Variants in METTL15 observed in about 807,000 individuals in gnomAD.
The protein encoded by METTL15 is methyltransferase 15, mitochondrial 12S rRNA N4-cytidine.
A neutral mutation model predicts 38.3 loss-of-function variants in METTL15; 34 were observed. The ratio of observed to expected loss-of-function variants is 0.89; its 90% CI spans 0.68 to 1.18. The LOEUF is 1.18. METTL15 is among the 50% of genes most tolerant of loss of function. METTL15 has a pLI of 0.00. For missense variants in METTL15, 438 were observed against 498.4 expected, an observed-to-expected ratio of 0.88 and a Z score of 1.15; for synonymous variants, 162 against 170.9, an observed-to-expected ratio of 0.95 and a Z score of 0.41.
intron 4 of METTL15, among the ~76,000 whole-genome samples, chr11:28,219,915 G>C (rs1427833424): frequency 1.3e-5 from 2 of 152,056 alleles, no homozygotes; most frequent in Non-Finnish European, 2.9e-5. Context: ...ATTGCACTAT[G>C]GTCTGAGAGA....
chr11:28,524,046 A>T (rs1851788958), intron 6 of METTL15, among the ~76,000 whole-genome samples: 1 of 152,234 alleles, frequency 6.6e-6, no homozygotes, highest in African/African-American at 2.4e-5. Context: ...GGGGTTGAAA[A>T]ATTATATTCT....
intron 5 of METTL15, among the ~76,000 whole-genome samples, chr11:28,383,069 G>T (rs1850405648): frequency 6.6e-6 from 1 of 151,622 alleles, no homozygotes; most frequent in Non-Finnish European, 1.5e-5. Context: ...TATCACTCAG[G>T]TAATAAGCAT....
chr11:28,368,128 CA>C (rs796151908), intron 5 of METTL15, among the ~76,000 whole-genome samples: 58 of 32,570 alleles, frequency 1.8e-3, no homozygotes, highest in Admixed American at 2.7e-3. Context: ...TTCTGCATAG[CA>C]AAAAAAAAAA....
intron 6 of METTL15, among the ~76,000 whole-genome samples, chr11:28,315,705 A>G (rs926332561): frequency 5.9e-5 from 9 of 152,222 alleles, no homozygotes; most frequent in Non-Finnish European, 1.0e-4. Flanking sequence ...GAAAAGATGG[A>G]TTCATGGGCC....
At chr11:28,276,464 C>G (rs1331494726) in intron 4 of METTL15, among the ~76,000 whole-genome samples, 1 of 152,088 alleles carries the variant, frequency 6.6e-6, no homozygotes, top group Non-Finnish European at 1.5e-5. Context: ...TGATAAACAT[C>G]CCATGCTCAT....
chr11:28,362,727 C>A (rs1590345262), intron 5 of METTL15, among the ~76,000 whole-genome samples: 1 of 152,156 alleles, frequency 6.6e-6, no homozygotes. Context: ...GCATAGTATT[C>A]CATGGTGTAT....
At chr11:28,275,446 G>A (rs1590248317) in intron 4 of METTL15, among the ~76,000 whole-genome samples, 1 of 151,992 alleles carries the variant, frequency 6.6e-6, no homozygotes, top group East Asian at 1.9e-4. Flanking sequence ...TGTGTAGCAA[G>A]GTTGAGTCAG....
chr11:28,381,266 TG>T (rs1850380251), intron 5 of METTL15, among the ~76,000 whole-genome samples: 1 of 152,184 alleles, frequency 6.6e-6, no homozygotes, highest in Non-Finnish European at 1.5e-5. Context: ...CCCAAGTTGC[TG>T]GGGTTACAAA....
chr11:28,285,082 C>T lies in METTL15; in HGVS notation c.408-5124C>T, dbSNP rs77119353. ...GCATCTCCCAGGCTTGCACTTACTC[C>T]GTCCTCCCTCCCGCCCTGTGAAGAA... On this transcript the variant is annotated intron_variant, in intron 4 of 6. Transcript: ENST00000407364. 4.4e-3 allele frequency among the ~76,000 whole-genome samples: 666 copies of T among 152,190 alleles called. 7 individuals are homozygous for T. Among genetic ancestry groups the T allele is most frequent in the African/African-American group, 0.015 (641 of 41,534 alleles).
At chr11:28,451,537 A>G (rs930836241) in intron 6 of METTL15, among the ~76,000 whole-genome samples, 3 of 152,136 alleles carry the variant, frequency 2.0e-5, no homozygotes, top group African/African-American at 7.2e-5. Context: ...GTGAGCCAAG[A>G]TCACGCCACT....
chr11:28,237,941 G>T (rs537178799), intron 4 of METTL15, among the ~76,000 whole-genome samples: 6 of 152,300 alleles, frequency 3.9e-5, no homozygotes, highest in Non-Finnish European at 4.4e-5. Context: ...CGCAAATGCT[G>T]CTGTCTGATC....
intron 4 of METTL15, among the ~76,000 whole-genome samples, chr11:28,248,600 T>C (rs187264048): frequency 1.2e-3 from 182 of 152,236 alleles, no homozygotes; most frequent in Non-Finnish European, 2.3e-3. Context: ...AAACCACTTA[T>C]TCTAAACTAT....
At chr11:28,408,984 A>G (rs1850700490) in intron 5 of METTL15, among the ~76,000 whole-genome samples, 1 of 152,098 alleles carries the variant, frequency 6.6e-6, no homozygotes, top group Non-Finnish European at 1.5e-5. Flanking sequence ...AACATATAGA[A>G]TTTTTCATCC....
intron 5 of METTL15, among the ~76,000 whole-genome samples, chr11:28,293,737 A>G (rs1021885824): frequency 4.6e-5 from 7 of 152,138 alleles, no homozygotes; most frequent in Admixed American, 4.6e-4. Flanking sequence ...TTCATTGAGC[A>G]GTGGTTTGTA....
chr11:28,255,249 ATTTCT>A (rs1486568823), intron 4 of METTL15, among the ~76,000 whole-genome samples: 1 of 151,924 alleles, frequency 6.6e-6, no homozygotes, highest in Non-Finnish European at 1.5e-5. Context: ...TACTTTCTTG[ATTTCT>A]TTTTCAGATA....
intron 5 of METTL15, among the ~76,000 whole-genome samples, chr11:28,376,452 T>G (rs1323577862): frequency 1.3e-5 from 2 of 152,188 alleles, no homozygotes; most frequent in Non-Finnish European, 2.9e-5. Context: ...TCTTTGTTGG[T>G]TTAAAATCTG....
At position 28,368,139 on chromosome 11, in the gene METTL15, A is replaced by C. The variant is rs189474419; in HGVS notation, c.*358+6103A>C. ...GAGCTTCTGCATAGCAAAAAAAAAAAAAACAAAAAAAACAAAAAAAAAAAC... is the reference window on the plus strand; with the variant it reads ...GAGCTTCTGCATAGCAAAAAAAAAACAAACAAAAAAAACAAAAAAAAAAAC... On this transcript the variant is annotated intron_variant and NMD_transcript_variant, in intron 5 of 7. Transcript: ENST00000532947. 5.5e-4 allele frequency among the ~76,000 whole-genome samples: 79 copies of C among 144,532 alleles called. 1 individual carries two copies. Among genetic ancestry groups the C allele is most frequent in the Admixed American group, 2.6e-3 (39 of 14,892 alleles). The allele number at this position is 144,532 out of a possible 152,430, so 94.8% of individuals were successfully genotyped here. A position where few individuals can be genotyped will look rare whatever the true frequency, so the allele number is the denominator to read the frequency against.
chr11:28,513,586 G>A (rs916160329), intron 6 of METTL15, among the ~76,000 whole-genome samples: 5 of 152,188 alleles, frequency 3.3e-5, no homozygotes, highest in African/African-American at 4.8e-5. Flanking sequence ...TGTAAAGTGG[G>A]AAATCAGGGG....
chr11:28,316,621 G>A (rs577117778), intron 6 of METTL15, among the ~76,000 whole-genome samples: 2 of 152,216 alleles, frequency 1.3e-5, no homozygotes, highest in South Asian at 4.2e-4. Flanking sequence ...GGCCAGGGTG[G>A]AATGACATGG....
Sources: gnomAD v4.1 joint callset for allele counts (sites outside exome capture counted in the v4.1 genomes callset) on GRCh38, gnomAD v4.1.1 for gene constraint, MANE v1.5 for transcripts, NCBI Gene and HGNC (gene_info 2026-07-23, HGNC 2026-07-21) for gene names.